Variants in SCRG1 observed in about 807,000 individuals in gnomAD.
The protein encoded by SCRG1 is stimulator of chondrogenesis 1.
SCRG1 carries 3 observed loss-of-function variants against 7.7 expected under a neutral mutation model. That is an observed-to-expected ratio of 0.39 (90% CI 0.18 to 1.01). The LOEUF is 1.01. Ranked by LOEUF, SCRG1 falls within the 50% of genes least tolerant of loss-of-function variation. The pLI, the probability that SCRG1 is intolerant of heterozygous loss-of-function variation, is 0.36. For synonymous variants in SCRG1, 46 were observed against 41.2 expected (o/e 1.12, Z -0.44); for missense variants, 110 against 117.2 (o/e 0.94, Z 0.28).
At chr4:173,455,060 G>A in the SCRG1 span, among the ~76,000 whole-genome samples, 1 of 152,056 alleles carries the variant, frequency 6.6e-6, no homozygotes, top group African/African-American at 2.4e-5. Flanking sequence ...CTCCAAAAAT[G>A]AATGAAGTGA....
At chr4:173,391,531 G>T in intron 1 of SCRG1, 103 bp from the exon 2 acceptor site, 1 of 1,169,058 alleles carries the variant, frequency 8.6e-7, no homozygotes, top group Non-Finnish European at 1.2e-6. Flanking sequence ...TGGATAGAAA[G>T]AATGGGAGTT....
the SCRG1 span, among the ~76,000 whole-genome samples, chr4:173,511,233 C>G: frequency 1.3e-5 from 2 of 152,134 alleles, no homozygotes; most frequent in African/African-American, 4.8e-5. The surrounding 1 kb of genome is among the most constrained non-coding windows in gnomAD (Gnocchi z 5.2). Context: ...CCACCTCGAC[C>G]TCCCAAAGTG....
At chr4:173,508,037 A>G in the SCRG1 span, among the ~76,000 whole-genome samples, 1 of 151,972 alleles carries the variant, frequency 6.6e-6, no homozygotes, top group African/African-American at 2.4e-5. This position sits in a 1 kb window ranked among gnomAD's most constrained non-coding sequence, Gnocchi z 4.4. Flanking sequence ...AGATGGGTGG[A>G]GGGTGCAGTC....
At chr4:173,490,959 G>A in the SCRG1 span, among the ~76,000 whole-genome samples, 1 of 152,176 alleles carries the variant, frequency 6.6e-6, no homozygotes, top group Non-Finnish European at 1.5e-5. Flanking sequence ...TGTGGGACCT[G>A]CCCTGCAGGA....
At chr4:173,484,422 T>TAA in the SCRG1 span, among the ~76,000 whole-genome samples, 1 of 53,872 alleles carries the variant, frequency 1.9e-5, no homozygotes, top group Non-Finnish European at 3.1e-5. Flanking sequence ...ATAATATATA[T>TAA]TATATATTAT....
At chr4:173,428,850 A>T in the SCRG1 span, among the ~76,000 whole-genome samples, 1 of 152,216 alleles carries the variant, frequency 6.6e-6, no homozygotes, top group Non-Finnish European at 1.5e-5. Context: ...AAATTCAAAA[A>T]TCATAAGGCC....
chr4:173,493,028 A>G, the SCRG1 span, among the ~76,000 whole-genome samples: 7 of 152,172 alleles, frequency 4.6e-5, no homozygotes, highest in Non-Finnish European at 1.5e-5. Flanking sequence ...TGCTCTCCCC[A>G]GTGCCTCTCC....
At chr4:173,419,060 TA>T in the SCRG1 span, among the ~76,000 whole-genome samples, 2 of 152,222 alleles carry the variant, frequency 1.3e-5, no homozygotes, top group African/African-American at 4.8e-5. Context: ...CTACTAGTGT[TA>T]GTAGTGGCTG....
At chr4:173,423,662 T>A in the SCRG1 span, among the ~76,000 whole-genome samples, 9 of 122,832 alleles carry the variant, frequency 7.3e-5, no homozygotes, top group Admixed American at 1.6e-4. Flanking sequence ...TTATCTCTTT[T>A]TTTTTAATTT....
At chr4:173,493,348 T>G in the SCRG1 span, among the ~76,000 whole-genome samples, 2 of 152,110 alleles carry the variant, frequency 1.3e-5, no homozygotes, top group Non-Finnish European at 2.9e-5. Flanking sequence ...TGCTTCCCCT[T>G]CTGCCTTGAT....
chr4:173,435,060 T>A, the SCRG1 span, among the ~76,000 whole-genome samples: 1 of 151,998 alleles, frequency 6.6e-6, no homozygotes, highest in African/African-American at 2.4e-5. Flanking sequence ...GATTAACAGA[T>A]TTAGGATTCA....
At chr4:173,460,783 C>T in the SCRG1 span, among the ~76,000 whole-genome samples, 1 of 152,162 alleles carries the variant, frequency 6.6e-6, no homozygotes, top group Non-Finnish European at 1.5e-5. Context: ...GATTCCAGGA[C>T]TTGATTCTTG....
chr4:173,420,158 A>C, the SCRG1 span: 4 of 497,128 alleles, frequency 8.0e-6, no homozygotes, highest in East Asian at 5.2e-5. Context: ...AGAGACCCAC[A>C]TCCGTGGCTC....
chr4:173,415,819 A>C, the SCRG1 span, among the ~76,000 whole-genome samples: 1 of 152,246 alleles, frequency 6.6e-6, no homozygotes, highest in South Asian at 2.1e-4. Flanking sequence ...AACCAGGCCT[A>C]TCTGCCTCCA....
chr4:173,419,936 A>C, the SCRG1 span: 1 of 754,602 alleles, frequency 1.3e-6, no homozygotes, highest in African/African-American at 1.7e-5. Flanking sequence ...GCAGACTATC[A>C]TAGCCCCCTC....
the SCRG1 span, chr4:173,468,294 C>CTA: frequency 6.6e-6 from 1 of 152,200 alleles, no homozygotes; most frequent in South Asian, 2.1e-4. Context: ...GAGCTACAGG[C>CTA]TATACTATAT....
the SCRG1 span, among the ~76,000 whole-genome samples, chr4:173,422,103 A>T: frequency 6.6e-6 from 1 of 152,338 alleles, no homozygotes; most frequent in African/African-American, 2.4e-5. Flanking sequence ...GCATGTTCAC[A>T]TTTGCCAGTG....
At chr4:173,420,187 C>T in the SCRG1 span, 36 of 419,132 alleles carry the variant, frequency 8.6e-5, no homozygotes, top group East Asian at 5.3e-4. Flanking sequence ...CCTTCAGGCC[C>T]GGCCCTAGTG....
chr4:173,405,159 C>T (rs992815520), intron 1 of SCRG1, among the ~76,000 whole-genome samples: 1 of 152,134 alleles, frequency 6.6e-6, no homozygotes, highest in African/African-American at 2.4e-5. Flanking sequence ...TCAGTGTCTC[C>T]GACTTTGCCT....
Sources: allele counts gnomAD v4.1 joint callset (sites outside exome capture counted in the v4.1 genomes callset), GRCh38; gene constraint gnomAD v4.1.1; non-coding constraint Gnocchi (gnomAD v3.1); transcripts MANE v1.5; gene names NCBI Gene and HGNC (gene_info 2026-07-23, HGNC 2026-07-21).